Variants in HHLA2 observed in about 807,000 individuals in gnomAD.
HHLA2 encodes the protein HHLA2 member of B7 family, also known as HERV-H LTR-associating protein 2.
A neutral mutation model predicts 45.9 loss-of-function variants in HHLA2; 48 were observed. That is an observed-to-expected ratio of 1.05 (90% CI 0.83 to 1.33). HHLA2 has a LOEUF of 1.33. HHLA2 is among the 40% of genes most tolerant of loss of function. The pLI, the probability that HHLA2 is intolerant of heterozygous loss-of-function variation, is 0.00. For missense variants in HHLA2, 462 were observed against 494.3 expected (o/e 0.93, Z 0.62); for synonymous variants, 161 against 173.9 (o/e 0.93, Z 0.59).
At chr3:108,305,303 G>A (rs1337896724) in intron 1 of HHLA2, among the ~76,000 whole-genome samples, 1 of 152,104 alleles carries the variant, frequency 6.6e-6, no homozygotes. Context: ...TTTGTAAACG[G>A]ACAGATTACC....
chr3:108,315,868 T>G (rs2081094757), intron 2 of HHLA2, among the ~76,000 whole-genome samples: 1 of 152,164 alleles, frequency 6.6e-6, no homozygotes, highest in South Asian at 2.1e-4. Context: ...GGTCTATTTG[T>G]GTGGTTTATA....
At chr3:108,366,709 G>T (rs1321996666) in intron 8 of HHLA2, among the ~76,000 whole-genome samples, 1 of 152,128 alleles carries the variant, frequency 6.6e-6, no homozygotes, top group Non-Finnish European at 1.5e-5. Flanking sequence ...TCTTAGGAGG[G>T]TGTCCGGGAA....
At chr3:108,349,576 C>G (rs545791894) in intron 3 of HHLA2, among the ~76,000 whole-genome samples, 1 of 152,300 alleles carries the variant, frequency 6.6e-6, no homozygotes, top group South Asian at 2.1e-4. Flanking sequence ...CAAAGAGGAG[C>G]TGGTACCATT....
chr3:108,338,098 G>A (rs562895154), intron 3 of HHLA2, among the ~76,000 whole-genome samples: 11 of 151,508 alleles, frequency 7.3e-5, no homozygotes, highest in Admixed American at 2.0e-4. Context: ...TATATGTAGC[G>A]ATACCTGTCT....
At chr3:108,360,906 A>G (rs142616340) in intron 7 of HHLA2, among the ~76,000 whole-genome samples, 2 of 152,344 alleles carry the variant, frequency 1.3e-5, no homozygotes, top group East Asian at 3.9e-4. Context: ...ACACTATAGT[A>G]TGTTCATAGA....
intron 6 of HHLA2, 26 bp from the exon 6 acceptor site, chr3:108,357,818 T>C: frequency 6.5e-7 from 1 of 1,540,370 alleles, no homozygotes; most frequent in Non-Finnish European, 8.8e-7. Context: ...TCTTCATTGA[T>C]GTTTTCTTTT....
Position 108,351,491 on chromosome 3 carries a change from T to C in HHLA2, c.-26-297T>C, listed in dbSNP as rs550815699. The stretch of plus-strand genomic sequence containing the variant: ...TGTTAATAGCAGTCACTGCTTCAGA[T>C]ATGAAACCTGCTCTTCAGAATTAAC... On this transcript the variant is annotated intron_variant, in intron 3 of 10. Coordinates refer to ENST00000619531, the Ensembl canonical transcript of HHLA2. Among the ~76,000 whole-genome samples, 7 of 152,364 alleles carry C rather than the reference T, an allele frequency of 4.6e-5. No homozygotes were observed. The South Asian group carries it at 1.4e-3, about 32-fold the overall frequency.
At chr3:108,314,065 T>C (rs1206042288) in intron 2 of HHLA2, among the ~76,000 whole-genome samples, 3 of 152,208 alleles carry the variant, frequency 2.0e-5, no homozygotes. Context: ...TTAACTCTAG[T>C]ACACACCGTG....
At chr3:108,352,677 TG>T (rs1299703782) in intron 4 of HHLA2, among the ~76,000 whole-genome samples, 1 of 152,254 alleles carries the variant, frequency 6.6e-6, no homozygotes, top group Non-Finnish European at 1.5e-5. Flanking sequence ...CTTATTCTGT[TG>T]ATTTCATTTG....
At chr3:108,321,091 TAAAAAAAA>T (rs67374827) in intron 2 of HHLA2, among the ~76,000 whole-genome samples, 26 of 101,420 alleles carry the variant, frequency 2.6e-4, no homozygotes, top group Middle Eastern at 6.4e-3. Flanking sequence ...TCCAGGTGTT[TAAAAAAAA>T]AAAAAAAAAA....
intron 1 of HHLA2, among the ~76,000 whole-genome samples, chr3:108,308,129 AC>A (rs1454851012): frequency 2.6e-5 from 4 of 152,110 alleles, no homozygotes; most frequent in Non-Finnish European, 5.9e-5. Context: ...TATTTTTTGT[AC>A]CCATTAACCA....
intron 1 of HHLA2, chr3:108,302,383 T>C (rs2080864044): frequency 6.6e-6 from 1 of 152,188 alleles, no homozygotes; most frequent in African/African-American, 2.4e-5. Flanking sequence ...GACAAACATT[T>C]TATTAACTAA....
At chr3:108,358,811 G>C (rs1296349535) in intron 7 of HHLA2, among the ~76,000 whole-genome samples, 1 of 152,138 alleles carries the variant, frequency 6.6e-6, no homozygotes, top group East Asian at 1.9e-4. Context: ...AGCTCTTTCT[G>C]TCCTTCAATA....
At chr3:108,345,882 A>G (rs985435168) in intron 3 of HHLA2, among the ~76,000 whole-genome samples, 2 of 152,178 alleles carry the variant, frequency 1.3e-5, no homozygotes, top group African/African-American at 4.8e-5. Flanking sequence ...GGGGCAACTT[A>G]TAGATAAATT....
chr3:108,340,379 ATCT>A (rs983549042), intron 3 of HHLA2, among the ~76,000 whole-genome samples: 6 of 152,188 alleles, frequency 3.9e-5, no homozygotes, highest in Non-Finnish European at 7.3e-5. Flanking sequence ...ACTTAAAGAA[ATCT>A]TCTTATTCTA....
intron 8 of HHLA2, among the ~76,000 whole-genome samples, chr3:108,372,272 A>T (rs1266833049): frequency 6.6e-6 from 1 of 152,056 alleles, no homozygotes; most frequent in Admixed American, 6.5e-5. Context: ...TGTTCTTTGA[A>T]ACCAATGAGA....
chr3:108,317,964 C>T (rs2107333833), intron 2 of HHLA2, among the ~76,000 whole-genome samples: 1 of 151,936 alleles, frequency 6.6e-6, no homozygotes, highest in East Asian at 2.0e-4. Flanking sequence ...GGCAGATCAC[C>T]TGAGGTCGGG....
chr3:108,314,475 A>G (rs193132593), intron 2 of HHLA2, among the ~76,000 whole-genome samples: 61 of 152,196 alleles, frequency 4.0e-4, no homozygotes, highest in Middle Eastern at 3.4e-3. Context: ...ATAGGATAAG[A>G]ATATTGTTGG....
intron 2 of HHLA2, among the ~76,000 whole-genome samples, chr3:108,321,091 T>TTAAA (rs2081191518): frequency 9.9e-6 from 1 of 101,428 alleles, no homozygotes; most frequent in South Asian, 3.8e-4. Context: ...TCCAGGTGTT[T>TTAAA]AAAAAAAAAA....
Sources: allele counts gnomAD v4.1 joint callset (sites outside exome capture counted in the v4.1 genomes callset), GRCh38; gene constraint gnomAD v4.1.1; transcripts MANE v1.5; gene names NCBI Gene and HGNC (gene_info 2026-07-23, HGNC 2026-07-21).